DAPK2: variants seen among roughly 807,000 people sequenced by gnomAD.
The protein encoded by DAPK2 is death associated protein kinase 2, also known as death-associated protein kinase 2.
In DAPK2, 35 loss-of-function variants were observed where a neutral mutation model predicts 44.1. The ratio of observed to expected loss-of-function variants is 0.79; its 90% CI spans 0.61 to 1.05. DAPK2 has a LOEUF of 1.05. Ranked by LOEUF, DAPK2 falls within the 50% of genes least tolerant of loss-of-function variation. DAPK2 has a pLI of 0.00. For synonymous variants in DAPK2, 174 were observed against 182.6 expected (o/e 0.95, Z 0.38); for missense variants, 453 against 483.2 (o/e 0.94, Z 0.59).
intron 2 of DAPK2, among the ~76,000 whole-genome samples, chr15:63,975,320 AC>A (rs750478633): frequency 7.2e-5 from 11 of 152,202 alleles, no homozygotes; most frequent in Admixed American, 1.3e-4. Flanking sequence ...AGGCCTTAAA[AC>A]CTGTATTTTT....
intron 2 of DAPK2, 102 bp from the exon 4 acceptor site, chr15:63,971,663 G>A: frequency 7.9e-7 from 1 of 1,259,348 alleles, no homozygotes; most frequent in Non-Finnish European, 1.1e-6. Flanking sequence ...ACCCCCCAGG[G>A]ACCTTGTATG....
intron 3 of DAPK2, among the ~76,000 whole-genome samples, chr15:63,947,190 C>A (rs536137038): frequency 6.6e-6 from 1 of 152,288 alleles, no homozygotes; most frequent in Admixed American, 6.5e-5. Context: ...CCTCTCCACC[C>A]AGTTCCCACA....
At chr15:64,045,966 G>A (rs980788090) in intron 1 of DAPK2, among the ~76,000 whole-genome samples, 1 of 152,246 alleles carries the variant, frequency 6.6e-6, no homozygotes, top group African/African-American at 2.4e-5. Flanking sequence ...GGAGCCGGGC[G>A]TGCTCTGCCC....
intron 8 of DAPK2, among the ~76,000 whole-genome samples, chr15:63,915,751 TGAG>T (rs1429823588): frequency 3.3e-5 from 5 of 152,196 alleles, no homozygotes; most frequent in African/African-American, 1.2e-4. Context: ...CCACCAACCC[TGAG>T]GAGGCAGCAT....
chr15:64,044,062 G>C (rs138408740), upstream of DAPK2, among the ~76,000 whole-genome samples: 8 of 152,332 alleles, frequency 5.3e-5, no homozygotes, highest in Admixed American at 5.2e-4. Flanking sequence ...GGGTGAAACT[G>C]AAGTGGAATT....
rs202045888 is a variant in DAPK2, at chr15:63,924,796, A to G, written c.858+20T>C. On this transcript the variant is annotated intron_variant, in intron 8 of 10. Coordinates refer to ENST00000261891, the Ensembl canonical transcript of DAPK2. ...GAGCAGGGACCCTTTGCCCATTGGA[A>G]CTCATGGCTGTGCCCTTACCGTGAT... 5.8e-4 allele frequency: 931 copies of G among 1,613,974 alleles called. 3 individuals carry two copies. The highest frequency in any genetic ancestry group is 3.3e-3 in the Middle Eastern group (20 of 6,052).
chr15:64,036,305 G>A (rs1294393640), intron 1 of DAPK2, among the ~76,000 whole-genome samples: 10,035 of 49,824 alleles, frequency 0.2, 754 homozygotes, highest in African/African-American at 0.23. Flanking sequence ...GTGTGTGTGT[G>A]TGTGTATATA....
intron 3 of DAPK2, among the ~76,000 whole-genome samples, chr15:63,943,599 G>A (rs373211119): frequency 4.1e-4 from 63 of 152,204 alleles, no homozygotes; most frequent in African/African-American, 1.4e-3. Flanking sequence ...GAGGCCGGGC[G>A]CAGTGGCTCA....
intron 1 of DAPK2, among the ~76,000 whole-genome samples, chr15:63,987,664 AT>A (rs920040215): frequency 6.6e-6 from 1 of 152,044 alleles, no homozygotes; most frequent in Admixed American, 6.5e-5. Context: ...TCCATCTGCC[AT>A]CCCAGGTCTC....
chr15:64,007,136 A>G (rs72755006), intron 1 of DAPK2, among the ~76,000 whole-genome samples: 13,368 of 151,320 alleles, frequency 0.088, 668 homozygotes, highest in Admixed American at 0.15. Flanking sequence ...TTGAAAAAAA[A>G]ATTTTTTTTT....
intron 4 of DAPK2, among the ~76,000 whole-genome samples, chr15:63,934,602 GGCT>G: frequency 6.6e-6 from 1 of 152,192 alleles, no homozygotes; most frequent in East Asian, 1.9e-4. Context: ...CTGTTGCCCA[GGCT>G]GGAGTACAGT....
At chr15:63,992,032 G>A (rs2078834821) in intron 1 of DAPK2, among the ~76,000 whole-genome samples, 2 of 152,054 alleles carry the variant, frequency 1.3e-5, no homozygotes, top group South Asian at 4.2e-4. Context: ...TTGTTGCGGG[G>A]TACAGGGAGT....
rs997414623 is a variant in DAPK2 at position 63,966,216 on chromosome 15, A to C, written c.453+5207T>G. ...CCTTCTGGCTCAGAGAGTGTCTAGA[A>C]ATGTTGTCTGAGATCTAGGGCCTGG... On this transcript the variant is annotated intron_variant, in intron 3 of 10. Transcript: ENST00000261891. This position sits in a 1 kb window ranked among gnomAD's most constrained non-coding sequence, Gnocchi z 5.5. 6.6e-6 allele frequency among the ~76,000 whole-genome samples: 1 copy of C among 152,162 alleles called. No individual in the cohort carries two copies. Among genetic ancestry groups the C allele is most frequent in the Non-Finnish European group, 1.5e-5 (1 of 68,016 alleles).
At chr15:64,034,165 TTG>T (rs1158290772) in intron 1 of DAPK2, among the ~76,000 whole-genome samples, 1 of 152,152 alleles carries the variant, frequency 6.6e-6, no homozygotes, top group African/African-American at 2.4e-5. Context: ...ACACCTATGT[TTG>T]TTGTTTTCTA....
Position 63,928,027 on chromosome 15 carries a change from G to A in DAPK2, c.659+1524C>T, listed in dbSNP as rs546557026. 1.3e-3 allele frequency among the ~76,000 whole-genome samples: 198 copies of A among 152,138 alleles called. 1 individual carries two copies. Among genetic ancestry groups the A allele is most frequent in the Admixed American group, 3.1e-3 (48 of 15,268 alleles). On this transcript the variant is annotated intron_variant, in intron 6 of 10. Coordinates refer to ENST00000261891, the Ensembl canonical transcript of DAPK2. Reference sequence around the variant, plus strand: ...CCTTCCAAAATGCTGGGATTACATGGGATCCCTTCATAGTTCAAATCAGAG... The same window carrying A: ...CCTTCCAAAATGCTGGGATTACATGAGATCCCTTCATAGTTCAAATCAGAG...
chr15:64,001,499 G>T (rs1053440608), intron 1 of DAPK2, among the ~76,000 whole-genome samples: 1 of 152,146 alleles, frequency 6.6e-6, no homozygotes, highest in Admixed American at 6.5e-5. Context: ...ACTTGAGGAG[G>T]ATGGGAAGGA....
chr15:63,962,034 T>C (rs2077916602), intron 3 of DAPK2, among the ~76,000 whole-genome samples: 1 of 152,200 alleles, frequency 6.6e-6, no homozygotes, highest in Non-Finnish European at 1.5e-5. Context: ...GGAGGCTTTT[T>C]TTGTTTCTTT....
At chr15:64,046,447 G>A (rs1419176348), upstream of DAPK2, 3 of 223,144 alleles carry the variant, frequency 1.3e-5, no homozygotes, top group African/African-American at 7.0e-5. The surrounding 1 kb of genome is among the most constrained non-coding windows in gnomAD (Gnocchi z 5.3). Flanking sequence ...TCCTCCCAGA[G>A]CGCCCGGCAC....
Position 64,033,843 on chromosome 15 carries a change from A to G in DAPK2, c.92+6327T>C, listed in dbSNP as rs976198287. ...GAATGGTGTGAACCGTGAACCCGGG[A>G]GGCAGAGCTTGCAGTGAGCCGAGAT... On this transcript the variant is annotated intron_variant, in intron 1 of 10. Transcript: ENST00000261891. Among the ~76,000 whole-genome samples the G allele has an allele frequency of 5.3e-5, 8 of 151,784 alleles. No individual in the cohort carries two copies. The South Asian group carries it at 1.5e-3, about 28-fold the overall frequency.
Sources: gnomAD v4.1 joint callset for allele counts (sites outside exome capture counted in the v4.1 genomes callset) on GRCh38, gnomAD v4.1.1 for gene constraint, Gnocchi (gnomAD v3.1) non-coding constraint, MANE v1.5 for transcripts, NCBI Gene and HGNC (gene_info 2026-07-23, HGNC 2026-07-21) for gene names.